CADM2: variants seen among roughly 807,000 people sequenced by gnomAD.
The protein encoded by CADM2 is cell adhesion molecule 2, also known as immunoglobulin superfamily member 4D.
A neutral mutation model predicts 49.8 loss-of-function variants in CADM2; 12 were observed. That is an observed-to-expected ratio of 0.24 (90% CI 0.15 to 0.39). The LOEUF (loss-of-function observed/expected upper bound fraction) is 0.39. CADM2 is among the 10% of genes least tolerant of loss of function. The pLI is 1.00. For missense variants in CADM2, 378 were observed against 492.3 expected (o/e 0.77, Z 2.20); for synonymous variants, 214 against 175.4 (o/e 1.22, Z -1.74).
chr3:85,227,731 C>T (rs1045280446), intron 1 of CADM2, among the ~76,000 whole-genome samples: 11 of 152,106 alleles, frequency 7.2e-5, no homozygotes, highest in East Asian at 1.9e-4. Context: ...TTCATAGTGT[C>T]GATGGTCTTT....
intron 1 of CADM2, among the ~76,000 whole-genome samples, chr3:85,721,372 G>T (rs1376267287): frequency 1.3e-5 from 2 of 152,130 alleles, no homozygotes; most frequent in African/African-American, 2.4e-5. Flanking sequence ...AATTTCTGTG[G>T]CTGGTGGCAC....
At chr3:85,465,430 G>A (rs1051651495) in intron 1 of CADM2, among the ~76,000 whole-genome samples, 1 of 151,972 alleles carries the variant, frequency 6.6e-6, no homozygotes, top group Non-Finnish European at 1.5e-5. Flanking sequence ...AATTTAAAAA[G>A]TCAACGAACA....
intron 1 of CADM2, among the ~76,000 whole-genome samples, chr3:85,249,402 A>G (rs1422675023): frequency 1.3e-5 from 2 of 152,026 alleles, no homozygotes; most frequent in African/African-American, 4.8e-5. Flanking sequence ...CTAGTTGTCT[A>G]GTTGAAATGA....
chr3:85,813,977 C>T (rs2073046484), intron 3 of CADM2, among the ~76,000 whole-genome samples: 1 of 152,066 alleles, frequency 6.6e-6, no homozygotes, highest in African/African-American at 2.4e-5. Context: ...TAGTGTGATG[C>T]CTCCAGCTTT....
intron 1 of CADM2, among the ~76,000 whole-genome samples, chr3:85,160,071 G>GGA (rs1471998391): frequency 6.6e-6 from 1 of 152,114 alleles, no homozygotes; most frequent in African/African-American, 2.4e-5. Flanking sequence ...GAGATAAAGG[G>GGA]GAGAGGGTTG....
intron 8 of CADM2, among the ~76,000 whole-genome samples, chr3:86,061,156 A>C (rs1357342404): frequency 6.6e-6 from 1 of 152,130 alleles, no homozygotes; most frequent in African/African-American, 2.4e-5. Context: ...GAATGTTTGA[A>C]TTGTTAAAGA....
At chr3:85,309,401 G>A (rs1207663080) in intron 1 of CADM2, among the ~76,000 whole-genome samples, 1 of 152,102 alleles carries the variant, frequency 6.6e-6, no homozygotes, top group African/African-American at 2.4e-5. Flanking sequence ...CTTTCTGTCT[G>A]TGTGAGCCCA....
intron 1 of CADM2, among the ~76,000 whole-genome samples, chr3:85,707,073 C>A (rs1322192302): frequency 6.6e-6 from 1 of 152,084 alleles, no homozygotes; most frequent in Non-Finnish European, 1.5e-5. Flanking sequence ...CTCAAGAGAT[C>A]TTTCTGCTTC....
At chr3:85,646,105 G>T (rs1004456956) in intron 1 of CADM2, among the ~76,000 whole-genome samples, 2 of 151,902 alleles carry the variant, frequency 1.3e-5, no homozygotes, top group African/African-American at 4.8e-5. Flanking sequence ...TAGTACCTGG[G>T]ATAAAAATTA....
chr3:85,971,500 A>G (rs893155547), intron 8 of CADM2, among the ~76,000 whole-genome samples: 7 of 151,670 alleles, frequency 4.6e-5, no homozygotes, highest in African/African-American at 1.7e-4. Context: ...GTATTTTTCT[A>G]CTATATCACA....
intron 5 of CADM2, among the ~76,000 whole-genome samples, chr3:85,887,195 TC>T (rs35913113): frequency 0.32 from 48,081 of 151,902 alleles, 8,729 homozygotes; most frequent in East Asian, 0.42. Context: ...CCAGTGATTT[TC>T]CCGCCTCAGC....
intron 1 of CADM2, among the ~76,000 whole-genome samples, chr3:85,138,747 G>C (rs2039491938): frequency 6.6e-6 from 1 of 152,124 alleles, no homozygotes; most frequent in Admixed American, 6.6e-5. Flanking sequence ...CATCCTGGAG[G>C]AGACAGCACA....
rs2063018840 is a variant in CADM2, at chr3:85,588,793, CA to C, written c.62-137726del. On this transcript the variant is annotated intron_variant, in intron 1 of 9. Transcript: ENST00000383699. ...ATCAGGGCAGACACTCTGGTAGGTG[CA>C]AATAGTGCACCTGCCTGGAGAACCA... is the stretch of plus-strand genomic sequence containing the variant. Among the ~76,000 whole-genome samples, 3 of 151,892 alleles carry C rather than the reference CA, an allele frequency of 2.0e-5. No homozygotes were observed. In the South Asian group the frequency reaches 6.2e-4, roughly 32 times the overall value.
chr3:85,775,745 A>G (rs2070329717), intron 2 of CADM2, among the ~76,000 whole-genome samples: 2 of 151,884 alleles, frequency 1.3e-5, no homozygotes. Context: ...ATCTGATACA[A>G]TAAACTTACT....
At chr3:85,827,100 C>T (rs769410126) in intron 3 of CADM2, among the ~76,000 whole-genome samples, 1 of 151,808 alleles carries the variant, frequency 6.6e-6, no homozygotes, top group Non-Finnish European at 1.5e-5. Context: ...TGAAAAGCAC[C>T]ATTAATACTG....
intron 1 of CADM2, among the ~76,000 whole-genome samples, chr3:85,566,451 C>T (rs1480600884): frequency 1.3e-5 from 2 of 151,964 alleles, no homozygotes; most frequent in Non-Finnish European, 2.9e-5. Flanking sequence ...TCAATTTGTC[C>T]AAGCCTTCAA....
chr3:84,975,292 CTG>C (rs376463956), intron 1 of CADM2, among the ~76,000 whole-genome samples: 38 of 151,834 alleles, frequency 2.5e-4, no homozygotes, highest in African/African-American at 8.4e-4. Context: ...ACTGGTATCT[CTG>C]TGGTATATTT....
At chr3:85,917,029 G>A (rs1202990581) in intron 6 of CADM2, among the ~76,000 whole-genome samples, 2 of 151,464 alleles carry the variant, frequency 1.3e-5, no homozygotes, top group Non-Finnish European at 2.9e-5. Flanking sequence ...TTTTTTTATT[G>A]TAAATTTGTT....
chr3:85,246,351 G>A (rs188621288), intron 1 of CADM2, among the ~76,000 whole-genome samples: 240 of 151,902 alleles, frequency 1.6e-3, no homozygotes, highest in African/African-American at 5.4e-3. Context: ...ATGTAAATGA[G>A]GAGTTAATGG....
Sources: allele counts gnomAD v4.1 joint callset (sites outside exome capture counted in the v4.1 genomes callset), GRCh38; gene constraint gnomAD v4.1.1; transcripts MANE v1.5; gene names NCBI Gene and HGNC (gene_info 2026-07-23, HGNC 2026-07-21).